PANK1: variants seen among roughly 807,000 people sequenced by gnomAD.
PANK1 encodes pantothenate kinase 1.
In PANK1, 18 loss-of-function variants were observed where a neutral mutation model predicts 40.1. That is an observed-to-expected ratio of 0.45 (90% confidence interval 0.31 to 0.67). The LOEUF is 0.67. Ranked by LOEUF, PANK1 falls within the 30% of genes least tolerant of loss-of-function variation. The probability of loss-of-function intolerance (pLI) is 0.06; values close to 1 mark genes in which losing one functional copy is unlikely to be tolerated. For missense variants in PANK1, 457 were observed against 599.6 expected, an observed-to-expected ratio of 0.76 and a Z score of 2.48; for synonymous variants, 242 against 237.7, an observed-to-expected ratio of 1.02 and a Z score of -0.17.
chr10:89,623,371 A>G (rs12356094), intron 1 of PANK1, among the ~76,000 whole-genome samples: 3 of 151,772 alleles, frequency 2.0e-5, no homozygotes, highest in Admixed American at 6.6e-5. Context: ...ACAGGCACCC[A>G]CCACCATGCC....
chr10:89,626,100 A>G (rs74146992), intron 1 of PANK1: 11,200 of 152,188 alleles, frequency 0.074, 505 homozygotes, highest in South Asian at 0.13. Flanking sequence ...TCAGGGGTTA[A>G]GGAGAGGAAA....
chr10:89,584,209 T>C lies in PANK1; in HGVS notation c.*197A>G. 1 of 510,228 alleles carries C rather than the reference T, an allele frequency of 2.0e-6. No individual in the cohort carries two copies. The highest frequency in any genetic ancestry group is 4.0e-5 in the South Asian group (1 of 25,136). The allele number at this position is 510,228 out of a possible 1,614,324, so 31.6% of individuals were successfully genotyped here. ...CAGTATACAGAAAAAAAACCTTTTA[T>C]ATTCCCCCGTTTTGAATCATTAGCT... On this transcript the variant is annotated 3_prime_UTR_variant, in exon 7 of 7. Transcript: ENST00000307534.
Position 89,583,809 on chromosome 10 carries a change from TA to T in PANK1, c.*596del, listed in dbSNP as rs1443243593. ...AATTATGTCAAAGAAAGGTTACAGG[TA>T]GGGGGAGGGACATCATCTGAGGACA... On this transcript the variant is annotated 3_prime_UTR_variant, in exon 7 of 7. Transcript: ENST00000307534. 3 of 152,116 alleles carry T rather than the reference TA, an allele frequency of 2.0e-5. No homozygotes were observed. The highest frequency in any genetic ancestry group is 7.3e-5 in the African/African-American group (3 of 41,366). 9.4% of individuals were successfully genotyped at this position (152,116 alleles called of 1,614,324 possible). A position where few individuals can be genotyped will look rare whatever the true frequency, so the allele number is the denominator to read the frequency against.
chr10:89,628,438 TATG>T (rs112783245), intron 1 of PANK1, among the ~76,000 whole-genome samples: 117,663 of 151,772 alleles, frequency 0.78, 46,047 homozygotes, highest in South Asian at 0.9. Flanking sequence ...AAAGATCACG[TATG>T]ATATGATTTC....
At chr10:89,620,641 C>A (rs1030246315) in intron 1 of PANK1, among the ~76,000 whole-genome samples, 1 of 152,216 alleles carries the variant, frequency 6.6e-6, no homozygotes, top group Non-Finnish European at 1.5e-5. Context: ...GCCTTGTGAT[C>A]TTGCTTTGCC....
intron 1 of PANK1, among the ~76,000 whole-genome samples, chr10:89,613,796 T>C (rs1359626821): frequency 1.3e-5 from 2 of 152,160 alleles, no homozygotes. Flanking sequence ...GTTGGTTTAT[T>C]CTCTAAAACT....
Position 89,588,194 on chromosome 10 carries a change from T to TA in PANK1, c.1326+457dup, listed in dbSNP as rs974575569. 4.6e-3 allele frequency among the ~76,000 whole-genome samples: 689 copies of TA among 149,778 alleles called. 5 individuals are homozygous for TA. The highest frequency in any genetic ancestry group is 0.016 in the African/African-American group (648 of 40,978). The stretch of plus-strand genomic sequence containing the variant: ...ATTCCATTGTGTATATGTACCACAT[T>TA]AAAAAAAAAATCCATTCATCTGCTG... On this transcript the variant is annotated intron_variant, in intron 6 of 6. Coordinates refer to ENST00000307534, the MANE Select transcript of PANK1 (RefSeq NM_148977.3).
chr10:89,590,672 A>G (rs1353352981), intron 5 of PANK1, among the ~76,000 whole-genome samples: 1 of 152,194 alleles, frequency 6.6e-6, no homozygotes, highest in Non-Finnish European at 1.5e-5. Flanking sequence ...AAACCTAAAT[A>G]TCATTAGGAA....
chr10:89,602,371 A>G (rs1472423349), intron 2 of PANK1, among the ~76,000 whole-genome samples: 1 of 152,370 alleles, frequency 6.6e-6, no homozygotes, highest in East Asian at 1.9e-4. Flanking sequence ...CTGAAGCTTG[A>G]GGTCATGCAT....
At chr10:89,604,451 G>C (rs1844879975) in intron 2 of PANK1, among the ~76,000 whole-genome samples, 1 of 152,034 alleles carries the variant, frequency 6.6e-6, no homozygotes, top group Non-Finnish European at 1.5e-5. Context: ...CAGCACTTTG[G>C]GAGGCCTAGG....
chr10:89,625,991 C>G (rs1465963229), intron 1 of PANK1: 5 of 152,122 alleles, frequency 3.3e-5, no homozygotes, highest in Non-Finnish European at 7.4e-5. Context: ...TCCATGTCAC[C>G]CTTACAAGAA....
At chr10:89,608,072 C>A (rs544028075) in intron 2 of PANK1, among the ~76,000 whole-genome samples, 1 of 150,318 alleles carries the variant, frequency 6.7e-6, no homozygotes, top group African/African-American at 2.5e-5. Context: ...GGCCTCGTCG[C>A]CCCGGCTGGA....
intron 1 of PANK1, among the ~76,000 whole-genome samples, chr10:89,624,418 T>G (rs1027488470): frequency 2.6e-5 from 4 of 152,214 alleles, no homozygotes. Flanking sequence ...TATTTATTTT[T>G]TATGGAGGAA....
intron 5 of PANK1, among the ~76,000 whole-genome samples, chr10:89,592,981 G>T (rs1185593136): frequency 2.6e-5 from 4 of 152,118 alleles, no homozygotes; most frequent in African/African-American, 9.7e-5. Context: ...CAGGTGAATG[G>T]TTTATCATTC....
At chr10:89,594,406 A>G (rs1023880026) in intron 3 of PANK1, among the ~76,000 whole-genome samples, 2 of 152,222 alleles carry the variant, frequency 1.3e-5, no homozygotes, top group Non-Finnish European at 2.9e-5. Flanking sequence ...GAATATAAAT[A>G]CCTAGAAAAA....
At chr10:89,586,996 G>A (rs140229003) in intron 6 of PANK1, among the ~76,000 whole-genome samples, 20 of 152,174 alleles carry the variant, frequency 1.3e-4, no homozygotes, top group South Asian at 4.2e-4. Flanking sequence ...GGTGGCGCAC[G>A]TCTGTAATCC....
chr10:89,610,210 C>A (rs1452345331), intron 2 of PANK1, among the ~76,000 whole-genome samples: 1 of 151,874 alleles, frequency 6.6e-6, no homozygotes, highest in Non-Finnish European at 1.5e-5. Flanking sequence ...TTGCAGATGA[C>A]AAAATGAGGC....
intron 1 of PANK1, among the ~76,000 whole-genome samples, chr10:89,644,361 G>A (rs556016186): frequency 6.6e-6 from 1 of 152,304 alleles, no homozygotes; most frequent in Non-Finnish European, 1.5e-5. Flanking sequence ...CTCAAGCTTC[G>A]TGTCCAATCC....
At chr10:89,622,601 C>T (rs533953078) in intron 1 of PANK1, among the ~76,000 whole-genome samples, 13 of 152,056 alleles carry the variant, frequency 8.5e-5, no homozygotes, top group Admixed American at 2.6e-4. Context: ...TTTAGGAGGC[C>T]GAGGTGGGCG....
Sources: allele counts gnomAD v4.1 joint callset (sites outside exome capture counted in the v4.1 genomes callset), GRCh38; gene constraint gnomAD v4.1.1; transcripts MANE v1.5; gene names NCBI Gene and HGNC (gene_info 2026-07-23, HGNC 2026-07-21).